RAB11FIP3: variants seen among roughly 807,000 people sequenced by gnomAD.
The protein encoded by RAB11FIP3 is rab11 family-interacting protein 3.
RAB11FIP3 carries 17 observed loss-of-function variants against 77.8 expected under a neutral mutation model. That is an observed-to-expected ratio of 0.22 (90% CI 0.15 to 0.33). RAB11FIP3 has a LOEUF of 0.33. RAB11FIP3 is among the 10% of genes least tolerant of loss of function. The probability of loss-of-function intolerance (pLI) is 1.00; values close to 1 mark genes in which losing one functional copy is unlikely to be tolerated. For missense variants in RAB11FIP3, 1,005 were observed against 1,011.2 expected (o/e 0.99, Z 0.08); for synonymous variants, 437 against 448.2 (o/e 0.98, Z 0.31).
At chr16:477,529 C>A (rs1010767829) in intron 3 of RAB11FIP3, 1 of 655,108 alleles carries the variant, frequency 1.5e-6, no homozygotes, top group Non-Finnish European at 1.9e-6. Context: ...ACATCCTGGG[C>A]CTGCCTGCTT....
chr16:431,420 C>A (rs181738435), intron 1 of RAB11FIP3, among the ~76,000 whole-genome samples: 1,857 of 151,392 alleles, frequency 0.012, 14 homozygotes, highest in Middle Eastern at 0.02. Flanking sequence ...TGCTCTCTTG[C>A]CCATGCTGGA....
intron 1 of RAB11FIP3, among the ~76,000 whole-genome samples, chr16:451,202 A>C (rs1314722375): frequency 2.0e-5 from 3 of 151,996 alleles, no homozygotes; most frequent in Non-Finnish European, 4.4e-5. Context: ...ATTTTATTTC[A>C]ATGAAGCTGT....
At chr16:447,448 A>C (rs1413484470) in intron 1 of RAB11FIP3, among the ~76,000 whole-genome samples, 1 of 152,078 alleles carries the variant, frequency 6.6e-6, no homozygotes, top group African/African-American at 2.4e-5. Flanking sequence ...AAAAATATAT[A>C]TATATTGTGG....
intron 1 of RAB11FIP3, among the ~76,000 whole-genome samples, chr16:442,254 C>T (rs1377712678): frequency 6.6e-6 from 1 of 152,246 alleles, no homozygotes; most frequent in Non-Finnish European, 1.5e-5. Context: ...GTCCTCCTGC[C>T]TCAGCTTCCT....
At chr16:468,270 G>GCC (rs1567374349) in intron 2 of RAB11FIP3, among the ~76,000 whole-genome samples, 1 of 143,832 alleles carries the variant, frequency 7.0e-6, no homozygotes, top group Admixed American at 6.9e-5. Flanking sequence ...GTGCAGGGAA[G>GCC]TCAGGGAGGA....
chr16:455,945 C>T (rs1037227654), intron 1 of RAB11FIP3, among the ~76,000 whole-genome samples: 1 of 152,168 alleles, frequency 6.6e-6, no homozygotes, highest in Non-Finnish European at 1.5e-5. Flanking sequence ...ATTGAACATC[C>T]TTTCATTTCT....
chr16:445,599 A>C (rs2141870667), intron 1 of RAB11FIP3, among the ~76,000 whole-genome samples: 1 of 152,292 alleles, frequency 6.6e-6, no homozygotes, highest in East Asian at 1.9e-4. Context: ...TGGGGGGATG[A>C]GAATCTGAGG....
chr16:456,715 C>G (rs1158245337), intron 1 of RAB11FIP3, among the ~76,000 whole-genome samples: 2 of 152,182 alleles, frequency 1.3e-5, no homozygotes, highest in African/African-American at 4.8e-5. Context: ...TGAGGCCGCA[C>G]CACTGCACTC....
chr16:514,135 G>A lies in RAB11FIP3; in HGVS notation c.1640+3335G>A, dbSNP rs999525838. ...AGCAAGCCGCCTGCCCACCCTAAGC[G>A]CTTGGGGTCAGTGCCACCGTGTTCT... On this transcript the variant is annotated intron_variant, in intron 9 of 13. Transcript: ENST00000262305. The surrounding 1 kb of genome is among the most constrained non-coding windows in gnomAD (Gnocchi z 4.6). 6.6e-5 allele frequency among the ~76,000 whole-genome samples: 10 copies of A among 152,166 alleles called. No homozygotes were observed. The highest frequency in any genetic ancestry group is 7.3e-5 in the Non-Finnish European group (5 of 68,030).
At chr16:457,519 T>C (rs2055523672) in intron 1 of RAB11FIP3, among the ~76,000 whole-genome samples, 1 of 152,006 alleles carries the variant, frequency 6.6e-6, no homozygotes, top group Non-Finnish European at 1.5e-5. Flanking sequence ...ACCTTTTTTT[T>C]TTTTTTTGAA....
intron 3 of RAB11FIP3, chr16:474,997 AC>A (rs2055874622): frequency 6.4e-7 from 1 of 1,551,712 alleles, no homozygotes; most frequent in Non-Finnish European, 8.7e-7. Flanking sequence ...CCCGGTTGGG[AC>A]GGAGACACGA....
chr16:474,679 T>G (rs925579644), intron 3 of RAB11FIP3, among the ~76,000 whole-genome samples: 1 of 152,202 alleles, frequency 6.6e-6, no homozygotes, highest in Non-Finnish European at 1.5e-5. Context: ...AAGAGCTGCC[T>G]TAGTGAAATG....
Position 519,002 on chromosome 16 carries a change from C to T in RAB11FIP3, c.1700C>T (p.Ala567Val). 3 of 1,613,564 alleles carry T rather than the reference C, an allele frequency of 1.9e-6. No homozygotes were observed. In the Middle Eastern group the frequency reaches 4.9e-4, roughly 266 times the overall value. Residue 567 changes from alanine (A) to valine (V), a missense_variant, in exon 10 of 14, where the codon GCC becomes GTC. By Grantham distance (64) the Ala-to-Val change is moderately conservative (BLOSUM62 0). Around this residue, in one of 4 missense-constraint regions of RAB11FIP3, gnomAD observed 433 missense variants for 436.1 expected, o/e 0.99. Coordinates refer to ENST00000262305, the MANE Select transcript of RAB11FIP3 (RefSeq NM_014700.4). ...ELRSCTPCLK[A>V]NIERLEEEKQ... ...CGGTCCTGCACGCCCTGTCTGAAGG[C>T]CAACATTGAGCGTCTGGAGGAGGTG...
rs1394556739 is a variant in RAB11FIP3 at position 505,458 on chromosome 16, TC to T, written c.1396-63del. The T allele has an allele frequency of 1.4e-5, 18 of 1,323,880 alleles. No individual in the cohort carries two copies. The highest frequency in any genetic ancestry group is 1.9e-5 in the Non-Finnish European group (18 of 959,426). The allele number at this position is 1,323,880 out of a possible 1,614,324, so 82.0% of individuals were successfully genotyped here. The stretch of plus-strand genomic sequence containing the variant: ...ATCCCCAGGCGGCCTCCCAGGTTGT[TC>T]CCTTGGGGGTGCAGGCCCTTCTGCT... On this transcript the variant is annotated intron_variant, in intron 7 of 13. Coordinates refer to ENST00000262305, the MANE Select transcript of RAB11FIP3 (RefSeq NM_014700.4). The surrounding 1 kb of genome is among the most constrained non-coding windows in gnomAD (Gnocchi z 4.0).
intron 9 of RAB11FIP3, among the ~76,000 whole-genome samples, chr16:511,254 C>A (rs1486665988): frequency 2.4e-5 from 3 of 126,412 alleles, no homozygotes; most frequent in Non-Finnish European, 4.9e-5. Context: ...AGGTTCCCGA[C>A]AGCCTGCCCA....
rs1253274634 is a variant in RAB11FIP3 at position 522,385 on chromosome 16, G to C, written c.*1546G>C. On this transcript the variant is annotated 3_prime_UTR_variant, in exon 14 of 14. Coordinates refer to ENST00000262305, the MANE Select transcript of RAB11FIP3 (RefSeq NM_014700.4). ...TAAGCATGGACTCCCAGGAGACAGT[G>C]TGGGAAACGCTCCTGCTTTAATTCC... 1 of 151,986 alleles carries C rather than the reference G, an allele frequency of 6.6e-6. No individual in the cohort carries two copies. The highest frequency in any genetic ancestry group is 1.5e-5 in the Non-Finnish European group (1 of 67,992). 9.4% of individuals were successfully genotyped at this position (151,986 alleles called of 1,614,324 possible).
chr16:477,595 G>A, intron 3 of RAB11FIP3: 1 of 985,276 alleles, frequency 1.0e-6, no homozygotes, highest in Non-Finnish European at 1.2e-6. Context: ...GCACAGGCCA[G>A]CCCTGTCCTG....
intron 4 of RAB11FIP3, 42 bp from the exon 5 acceptor site, chr16:488,809 T>A: frequency 6.3e-7 from 1 of 1,595,124 alleles, no homozygotes; most frequent in Non-Finnish European, 8.6e-7. Flanking sequence ...GGGGGTGCCC[T>A]GGCCTTCAGT....
At chr16:500,962 G>GT (rs1165752545) in intron 6 of RAB11FIP3, among the ~76,000 whole-genome samples, 1 of 152,148 alleles carries the variant, frequency 6.6e-6, no homozygotes, top group Non-Finnish European at 1.5e-5. Flanking sequence ...GGTCATGGGC[G>GT]TTTAAGAGCA....
Sources: gnomAD v4.1 joint callset for allele counts (sites outside exome capture counted in the v4.1 genomes callset) on GRCh38, gnomAD v4.1.1 for gene constraint, gnomAD v4.1.1 regional missense constraint, Gnocchi (gnomAD v3.1) non-coding constraint, MANE v1.5 for transcripts, NCBI Gene and HGNC (gene_info 2026-07-23, HGNC 2026-07-21) for gene names.